The following GNAQ variants were observed in gnomAD, a reference collection of about 807,000 sequenced individuals.
GNAQ encodes the protein guanine nucleotide-binding protein G(q) subunit alpha.
In GNAQ, 8 loss-of-function variants were observed where a neutral mutation model predicts 43.9. The ratio of observed to expected loss-of-function variants is 0.18; its 90% CI spans 0.11 to 0.33. The LOEUF (loss-of-function observed/expected upper bound fraction) is 0.33, where lower values mean the gene tolerates loss of function less well. Ranked by LOEUF, GNAQ falls within the 10% of genes least tolerant of loss-of-function variation. GNAQ has a pLI of 1.00. For missense variants in GNAQ, 158 were observed against 450.8 expected (o/e 0.35, Z 5.88); for synonymous variants, 155 against 170.7 (o/e 0.91, Z 0.71).
Position 77,798,645 on chromosome 9 carries a change from T to A in GNAQ, c.477-997A>T, listed in dbSNP as rs75236958. Among the ~76,000 whole-genome samples, 706 of 152,290 alleles carry A rather than the reference T, an allele frequency of 4.6e-3. 5 individuals carry two copies. The highest frequency in any genetic ancestry group is 0.016 in the African/African-American group (654 of 41,554). ...AAGTCCTCCATATAAAATGGAACAG[T>A]ATTTGCATATAATGTATGCATAGTC... On this transcript the variant is annotated intron_variant, in intron 3 of 6. Coordinates refer to ENST00000286548, the MANE Select transcript of GNAQ (RefSeq NM_002072.5).
intron 2 of GNAQ, among the ~76,000 whole-genome samples, chr9:77,865,050 C>A (rs1434351433): frequency 6.6e-6 from 1 of 152,176 alleles, no homozygotes; most frequent in Non-Finnish European, 1.5e-5. Flanking sequence ...AGAAAATTAA[C>A]CCCTTTTCAC....
intron 2 of GNAQ, among the ~76,000 whole-genome samples, chr9:77,868,794 A>T (rs1827989973): frequency 6.6e-6 from 1 of 151,984 alleles, no homozygotes; most frequent in Non-Finnish European, 1.5e-5. Context: ...ACTCCATCTC[A>T]AAACAAACAA....
chr9:77,809,638 T>C (rs1392453786), intron 3 of GNAQ, among the ~76,000 whole-genome samples: 7 of 152,214 alleles, frequency 4.6e-5, no homozygotes, highest in Non-Finnish European at 1.5e-5. Context: ...ATTGGAAGAA[T>C]TCACCAAATT....
intron 1 of GNAQ, among the ~76,000 whole-genome samples, chr9:77,995,206 T>A (rs958002525): frequency 6.6e-6 from 1 of 152,178 alleles, no homozygotes; most frequent in Non-Finnish European, 1.5e-5. Flanking sequence ...ATGAAGAAAT[T>A]GGGGCAAAGA....
At chr9:77,758,854 A>T (rs1431934354) in intron 5 of GNAQ, among the ~76,000 whole-genome samples, 1 of 152,186 alleles carries the variant, frequency 6.6e-6, no homozygotes, top group Admixed American at 6.5e-5. Flanking sequence ...GTACAAATGT[A>T]CACAAATAAG....
intron 2 of GNAQ, among the ~76,000 whole-genome samples, chr9:77,880,537 A>G (rs1450144218): frequency 6.9e-6 from 1 of 145,138 alleles, no homozygotes; most frequent in African/African-American, 2.5e-5. Flanking sequence ...TGTGCCCCAC[A>G]CCTGGATGAT....
At chr9:77,740,041 C>T (rs1219825874) in intron 5 of GNAQ, among the ~76,000 whole-genome samples, 1 of 152,210 alleles carries the variant, frequency 6.6e-6, no homozygotes, top group Non-Finnish European at 1.5e-5. Context: ...GGAAAATCTA[C>T]ATTTGGGGGA....
At chr9:77,882,069 C>G (rs1330615998) in intron 2 of GNAQ, among the ~76,000 whole-genome samples, 1 of 151,900 alleles carries the variant, frequency 6.6e-6, no homozygotes, top group Non-Finnish European at 1.5e-5. Flanking sequence ...ACCCAGAAGG[C>G]GGAAGTTGCA....
chr9:77,825,307 A>T lies in GNAQ; in HGVS notation c.322-9537T>A, dbSNP rs114203882. On this transcript the variant is annotated intron_variant, in intron 2 of 6. Coordinates refer to ENST00000286548, the MANE Select transcript of GNAQ (RefSeq NM_002072.5). ...ACCAAACAATAAATGATAAAGCAAAATCTTTCATACCTCCACAGTAAGACT... is the reference window on the plus strand; with the variant it reads ...ACCAAACAATAAATGATAAAGCAAATTCTTTCATACCTCCACAGTAAGACT... 8.1e-3 allele frequency among the ~76,000 whole-genome samples: 1,229 copies of T among 151,352 alleles called. 16 individuals carry two copies. Among genetic ancestry groups the T allele is most frequent in the African/African-American group, 0.028 (1,173 of 41,514 alleles).
chr9:77,740,689 C>G (rs1231401118), intron 5 of GNAQ, among the ~76,000 whole-genome samples: 1 of 151,964 alleles, frequency 6.6e-6, no homozygotes, highest in African/African-American at 2.4e-5. Flanking sequence ...TTAGTCTTTT[C>G]ATTTTCAGGA....
At chr9:77,929,971 T>C (rs930102370) in intron 1 of GNAQ, among the ~76,000 whole-genome samples, 10 of 152,224 alleles carry the variant, frequency 6.6e-5, no homozygotes, top group African/African-American at 2.4e-4. Flanking sequence ...CATAAAGATG[T>C]GTGATAATTT....
At chr9:77,904,347 T>TTTG (rs1828668580) in intron 2 of GNAQ, among the ~76,000 whole-genome samples, 1 of 79,316 alleles carries the variant, frequency 1.3e-5, no homozygotes, top group African/African-American at 4.2e-5. Context: ...TTTTTTTTTT[T>TTTG]TGTGAGACAG....
At chr9:77,825,669 A>AG (rs1210671770) in intron 2 of GNAQ, among the ~76,000 whole-genome samples, 15 of 152,206 alleles carry the variant, frequency 9.9e-5, no homozygotes, top group Admixed American at 2.0e-4. Context: ...AAGTCTGTTT[A>AG]ACTGCAAAGG....
intron 5 of GNAQ, among the ~76,000 whole-genome samples, chr9:77,753,758 G>A (rs2118302087): frequency 6.6e-6 from 1 of 152,240 alleles, no homozygotes; most frequent in East Asian, 1.9e-4. Context: ...TCTCCAGCAT[G>A]CTACCTAAGC....
chr9:77,986,544 C>G (rs1191027864), intron 1 of GNAQ, among the ~76,000 whole-genome samples: 1 of 152,094 alleles, frequency 6.6e-6, no homozygotes, highest in Non-Finnish European at 1.5e-5. Context: ...CTCGTTCTGT[C>G]GCCCAGGCTA....
At chr9:77,902,398 T>A (rs1033703250) in intron 2 of GNAQ, among the ~76,000 whole-genome samples, 1 of 152,210 alleles carries the variant, frequency 6.6e-6, no homozygotes, top group Non-Finnish European at 1.5e-5. Context: ...AGCACTAGCA[T>A]CCTCCTTAAT....
chr9:77,902,863 T>A (rs1251578516), intron 2 of GNAQ, among the ~76,000 whole-genome samples: 1 of 152,220 alleles, frequency 6.6e-6, no homozygotes. Flanking sequence ...TGAGTTAGCC[T>A]ATTTCACAGC....
intron 2 of GNAQ, among the ~76,000 whole-genome samples, chr9:77,909,825 G>C (rs1200348513): frequency 1.3e-5 from 2 of 152,018 alleles, no homozygotes; most frequent in African/African-American, 4.8e-5. Context: ...TACGGGAAAA[G>C]CCAAAATGAG....
At chr9:77,940,926 T>C (rs544742020) in intron 1 of GNAQ, among the ~76,000 whole-genome samples, 388 of 150,596 alleles carry the variant, frequency 2.6e-3, no homozygotes, top group Admixed American at 3.6e-3. Flanking sequence ...ATCACACCAC[T>C]GCACTCCAGC....
Sources: allele counts gnomAD v4.1 joint callset (sites outside exome capture counted in the v4.1 genomes callset), GRCh38; gene constraint gnomAD v4.1.1; transcripts MANE v1.5; gene names NCBI Gene and HGNC (gene_info 2026-07-23, HGNC 2026-07-21).